The following NDST3 variants were observed in gnomAD, a reference collection of about 807,000 sequenced individuals.
NDST3 encodes the protein N-deacetylase and N-sulfotransferase 3.
In NDST3, 58 loss-of-function variants were observed where a neutral mutation model predicts 96.1. That is an observed-to-expected ratio of 0.60 (90% CI 0.49 to 0.75). The LOEUF (loss-of-function observed/expected upper bound fraction) is 0.75. Among genes scored for constraint, NDST3 ranks in the 30% least tolerant of loss-of-function variants. The pLI is 0.00. For missense variants in NDST3, 788 were observed against 1,034.2 expected, an observed-to-expected ratio of 0.76 and a Z score of 3.27; for synonymous variants, 333 against 359.7, an observed-to-expected ratio of 0.93 and a Z score of 0.84.
chr4:118,068,288 C>G (rs1035007289), intron 2 of NDST3, among the ~76,000 whole-genome samples: 1 of 151,136 alleles, frequency 6.6e-6, no homozygotes, highest in Non-Finnish European at 1.5e-5. Flanking sequence ...TGCCAGCACA[C>G]CCAAGTATAC....
At chr4:118,060,118 T>G (rs1342143256) in intron 2 of NDST3, among the ~76,000 whole-genome samples, 1 of 152,108 alleles carries the variant, frequency 6.6e-6, no homozygotes, top group Non-Finnish European at 1.5e-5. Context: ...CTTACTGTAT[T>G]CTTTTTTGGG....
intron 6 of NDST3, among the ~76,000 whole-genome samples, chr4:118,189,128 C>A (rs1260901555): frequency 6.6e-6 from 1 of 152,138 alleles, no homozygotes; most frequent in Non-Finnish European, 1.5e-5. Flanking sequence ...TGGCTCACTG[C>A]AACCTCTGCA....
chr4:118,229,967 T>C (rs896144274), intron 8 of NDST3, among the ~76,000 whole-genome samples: 2 of 152,194 alleles, frequency 1.3e-5, no homozygotes, highest in Non-Finnish European at 2.9e-5. Flanking sequence ...TCACCTAGGT[T>C]ACCTCGCTAA....
At chr4:118,035,714 G>A (rs1333141079) in intron 1 of NDST3, among the ~76,000 whole-genome samples, 4 of 151,438 alleles carry the variant, frequency 2.6e-5, no homozygotes, top group African/African-American at 9.7e-5. Flanking sequence ...TCTTTCTCTG[G>A]TTAACACAGT....
At chr4:118,134,431 A>G (rs572831333) in intron 4 of NDST3, among the ~76,000 whole-genome samples, 1 of 152,346 alleles carries the variant, frequency 6.6e-6, no homozygotes, top group South Asian at 2.1e-4. Context: ...GAAGGAAGCA[A>G]GAGAGGGAAT....
chr4:118,227,226 T>TG (rs775449488), intron 8 of NDST3, among the ~76,000 whole-genome samples: 6 of 62,644 alleles, frequency 9.6e-5, no homozygotes, highest in African/African-American at 2.1e-4. Context: ...TGGTAGCACA[T>TG]GTTTTTTTTT....
At chr4:118,162,801 G>A (rs1436880210) in intron 6 of NDST3, among the ~76,000 whole-genome samples, 13 of 149,262 alleles carry the variant, frequency 8.7e-5, no homozygotes, top group Non-Finnish European at 7.4e-5. Context: ...ACTACCATCA[G>A]CGTGAACAGG....
rs543239784 is a variant in NDST3, at chr4:118,133,976, A to G, written c.1225-4078A>G. ...ACATAAATGTCTTTTCTATGCAAAA[A>G]AATACATGCTTACAAACTGTGCTGT... On this transcript the variant is annotated intron_variant, in intron 4 of 13. Transcript: ENST00000296499. Among the ~76,000 whole-genome samples the G allele has an allele frequency of 1.1e-3, 173 of 152,360 alleles. 1 individual carries two copies. Among genetic ancestry groups the G allele is most frequent in the South Asian group, 1.0e-3 (5 of 4,832 alleles).
At chr4:118,045,636 G>T (rs552535953) in intron 1 of NDST3, among the ~76,000 whole-genome samples, 34 of 152,078 alleles carry the variant, frequency 2.2e-4, no homozygotes, top group African/African-American at 8.0e-4. Context: ...TAAACATATT[G>T]TTCAAAATAT....
intron 6 of NDST3, among the ~76,000 whole-genome samples, chr4:118,164,647 T>C (rs529150099): frequency 3.0e-4 from 46 of 152,080 alleles, no homozygotes; most frequent in Admixed American, 5.9e-4. Context: ...ACCATAAAGC[T>C]CACTGGTAAA....
At chr4:118,135,117 A>G (rs72907181) in intron 4 of NDST3, among the ~76,000 whole-genome samples, 1,834 of 152,308 alleles carry the variant, frequency 0.012, 30 homozygotes, top group African/African-American at 0.042. Flanking sequence ...CTCTCTGGTG[A>G]TGAATGCAAA....
At chr4:118,096,033 T>C (rs968550166) in intron 2 of NDST3, among the ~76,000 whole-genome samples, 23 of 152,080 alleles carry the variant, frequency 1.5e-4, no homozygotes, top group African/African-American at 5.5e-4. Flanking sequence ...ACCATGAACA[T>C]GTATGTAGAA....
intron 6 of NDST3, among the ~76,000 whole-genome samples, chr4:118,160,657 C>A (rs994624848): frequency 6.6e-6 from 1 of 152,110 alleles, no homozygotes; most frequent in African/African-American, 2.4e-5. Context: ...TCCAGTTGAT[C>A]GCATCGGCTC....
At chr4:118,178,973 G>A (rs1221808421) in intron 6 of NDST3, among the ~76,000 whole-genome samples, 2 of 152,004 alleles carry the variant, frequency 1.3e-5, no homozygotes, top group East Asian at 1.9e-4. Context: ...GCTGGAAGAA[G>A]GCATGAGGTT....
intron 6 of NDST3, among the ~76,000 whole-genome samples, chr4:118,179,098 TG>T (rs1007352143): frequency 3.9e-5 from 6 of 152,182 alleles, no homozygotes; most frequent in Middle Eastern, 3.4e-3. Context: ...GTCTGACTTT[TG>T]CCCTAGAAAG....
At chr4:118,184,602 T>TACAA (rs1553941347) in intron 6 of NDST3, among the ~76,000 whole-genome samples, 1 of 138,490 alleles carries the variant, frequency 7.2e-6, no homozygotes, top group East Asian at 2.1e-4. Context: ...TCTCTCTCTC[T>TACAA]ACACACACAC....
At chr4:118,237,271 T>G (rs1740704600) in intron 10 of NDST3, 51 bp downstream of exon 10, 3 of 1,439,852 alleles carry the variant, frequency 2.1e-6, no homozygotes, top group East Asian at 5.0e-5. Context: ...GTATGGACAA[T>G]GGAGCATTGT....
At chr4:118,210,499 C>T (rs112999823) in intron 6 of NDST3, among the ~76,000 whole-genome samples, 1,743 of 152,060 alleles carry the variant, frequency 0.011, 29 homozygotes, top group African/African-American at 0.04. Flanking sequence ...CCTGCTGGGC[C>T]GGGCACGGTG....
chr4:118,103,106 T>C (rs1316403890), intron 2 of NDST3, among the ~76,000 whole-genome samples: 1 of 151,274 alleles, frequency 6.6e-6, no homozygotes, highest in African/African-American at 2.5e-5. Flanking sequence ...GTTTTGTAAA[T>C]GTACATTAAA....
Sources: allele counts gnomAD v4.1 joint callset (sites outside exome capture counted in the v4.1 genomes callset), GRCh38; gene constraint gnomAD v4.1.1; transcripts MANE v1.5; gene names NCBI Gene and HGNC (gene_info 2026-07-23, HGNC 2026-07-21).